The following RNF220 variants were observed in gnomAD, a reference collection of about 807,000 sequenced individuals.
The protein encoded by RNF220 is E3 ubiquitin-protein ligase RNF220.
In RNF220, 7 loss-of-function variants were observed where a neutral mutation model predicts 67.1. The ratio of observed to expected loss-of-function variants is 0.10; its 90% CI spans 0.06 to 0.20. The LOEUF (loss-of-function observed/expected upper bound fraction) is 0.20, where lower values mean the gene tolerates loss of function less well. Ranked by LOEUF, RNF220 falls within the 10% of genes least tolerant of loss-of-function variation. RNF220 has a pLI of 1.00. For synonymous variants in RNF220, 270 were observed against 283.2 expected (o/e 0.95, Z 0.47); for missense variants, 565 against 740.3 (o/e 0.76, Z 2.75).
At chr1:44,586,729 G>A (rs994080247) in intron 2 of RNF220, among the ~76,000 whole-genome samples, 9 of 152,154 alleles carry the variant, frequency 5.9e-5, no homozygotes, top group East Asian at 5.8e-4. Context: ...GACCGCTCTC[G>A]TGGCAAAAAT....
intron 2 of RNF220, among the ~76,000 whole-genome samples, chr1:44,421,383 ACAATCC>A (rs1356697054): frequency 6.6e-6 from 1 of 152,184 alleles, no homozygotes; most frequent in Non-Finnish European, 1.5e-5. Context: ...ATTAGAATTC[ACAATCC>A]CTGGGTTTCT....
chr1:44,525,084 A>G (rs757187754), intron 2 of RNF220, among the ~76,000 whole-genome samples: 3 of 152,268 alleles, frequency 2.0e-5, no homozygotes, highest in Non-Finnish European at 2.9e-5. Context: ...AAATGTGAGA[A>G]GCTTTTAAAA....
chr1:44,632,412 G>GCCCCACCCCCGGCCTCCT (rs1553127252), intron 6 of RNF220, 27 bp downstream of exon 6: 2 of 921,672 alleles, frequency 2.2e-6, no homozygotes, highest in East Asian at 6.0e-5. Context: ...CCCTCCCTCC[G>GCCCCACCCCCGGCCTCCT]CCCCACCCCC....
In RNF220 at chr1:44,412,715, T is replaced by G. The variant is rs1359991483; in HGVS notation, c.618T>G (p.Asn206Lys). ...CCTCATCTAGCCCAGAGGATCGGAA[T>G]GACAGATGTAAGTACTTTGGTTCCA... The part of the protein sequence containing the change: ...REASSSPEDR[N>K]DRCKKKAAAL... Residue 206 changes from asparagine (N) to lysine (K), a missense_variant, in exon 2 of 15, where the codon AAT becomes AAG. Physicochemically the swap from Asn to Lys is moderately conservative, Grantham distance 94 (BLOSUM62 0). Coordinates refer to ENST00000361799, the MANE Select transcript of RNF220 (RefSeq NM_018150.4). This position sits in a 1 kb window ranked among gnomAD's most constrained non-coding sequence, Gnocchi z 5.3. 1 of 1,613,740 alleles carries G rather than the reference T, an allele frequency of 6.2e-7. No homozygotes were observed. The highest frequency in any genetic ancestry group is 8.5e-7 in the Non-Finnish European group (1 of 1,179,742).
At chr1:44,575,838 C>T (rs562233687) in intron 2 of RNF220, among the ~76,000 whole-genome samples, 3 of 152,322 alleles carry the variant, frequency 2.0e-5, no homozygotes, top group East Asian at 3.8e-4. Flanking sequence ...TCAAAGGGAT[C>T]ACTGTGCTTT....
intron 3 of RNF220, among the ~76,000 whole-genome samples, chr1:44,616,835 G>C (rs193188154): frequency 5.1e-4 from 78 of 152,246 alleles, no homozygotes; most frequent in Non-Finnish European, 8.7e-4. Flanking sequence ...CCAGCTCTCT[G>C]TCTGCCTCCT....
intron 2 of RNF220, among the ~76,000 whole-genome samples, chr1:44,528,862 C>T (rs1179528910): frequency 6.6e-6 from 1 of 152,272 alleles, no homozygotes; most frequent in East Asian, 1.9e-4. Context: ...GATCCACCCA[C>T]CTCAGCCTCC....
At chr1:44,530,495 A>C (rs1660750032) in intron 2 of RNF220, among the ~76,000 whole-genome samples, 1 of 151,524 alleles carries the variant, frequency 6.6e-6, no homozygotes, top group South Asian at 2.1e-4. Flanking sequence ...CACAAAATCA[A>C]CATTGTGATA....
intron 4 of RNF220, among the ~76,000 whole-genome samples, chr1:44,623,155 A>G (rs1047905932): frequency 1.3e-5 from 2 of 152,204 alleles, no homozygotes; most frequent in African/African-American, 4.8e-5. Context: ...AATGCAGGTC[A>G]AGATAGTGCA....
chr1:44,459,186 G>GT (rs11379941), intron 2 of RNF220, among the ~76,000 whole-genome samples: 38,864 of 151,338 alleles, frequency 0.26, 5,190 homozygotes, highest in South Asian at 0.31. Flanking sequence ...CTTTTGGTGG[G>GT]TTTTTTTTTA....
chr1:44,561,738 G>A lies in RNF220; in HGVS notation c.626-52427G>A, dbSNP rs548013954. Among the ~76,000 whole-genome samples, 506 of 152,224 alleles carry A rather than the reference G, an allele frequency of 3.3e-3. 20 individuals are homozygous for A. The highest frequency in any genetic ancestry group is 0.032 in the Admixed American group (485 of 15,288). ...TTGAGACCAGCCTGGACAATACGGTGAGACCCCGTCTCTACTAAAAATTAA... is the reference window on the plus strand; with the variant it reads ...TTGAGACCAGCCTGGACAATACGGTAAGACCCCGTCTCTACTAAAAATTAA... On this transcript the variant is annotated intron_variant, in intron 2 of 14. Transcript: ENST00000361799.
At chr1:44,566,230 A>T (rs764859184) in intron 2 of RNF220, among the ~76,000 whole-genome samples, 5 of 152,130 alleles carry the variant, frequency 3.3e-5, no homozygotes, top group Non-Finnish European at 5.9e-5. Context: ...CCCTAACTGG[A>T]TTAGCATTGG....
At chr1:44,548,462 C>T (rs1282626720) in intron 2 of RNF220, among the ~76,000 whole-genome samples, 1 of 152,158 alleles carries the variant, frequency 6.6e-6, no homozygotes, top group Non-Finnish European at 1.5e-5. Context: ...TAGACTCCTT[C>T]ATTCAGCCTC....
intron 3 of RNF220, among the ~76,000 whole-genome samples, chr1:44,619,500 T>A (rs888148935): frequency 1.3e-5 from 2 of 152,204 alleles, no homozygotes; most frequent in Middle Eastern, 3.2e-3. Flanking sequence ...CGGCTGGTGA[T>A]GATGGTTTAT....
At chr1:44,427,849 C>T (rs2147856801) in intron 2 of RNF220, among the ~76,000 whole-genome samples, 1 of 152,292 alleles carries the variant, frequency 6.6e-6, no homozygotes, top group Non-Finnish European at 1.5e-5. Context: ...TAAATGTTAG[C>T]TATAATTAAT....
intron 2 of RNF220, among the ~76,000 whole-genome samples, chr1:44,578,241 C>T (rs948462482): frequency 2.0e-5 from 3 of 150,932 alleles, no homozygotes; most frequent in Admixed American, 6.6e-5. Context: ...CTCCACCTGC[C>T]GGGTTCAAGC....
Position 44,530,370 on chromosome 1 carries a change from A to G in RNF220, c.626-83795A>G, listed in dbSNP as rs187578640. On this transcript the variant is annotated intron_variant, in intron 2 of 14. Coordinates refer to ENST00000361799, the MANE Select transcript of RNF220 (RefSeq NM_018150.4). ...GTCACCACCACATATGCAGTCACCC[A>G]AAGAGCAGAGATCTCAAGAAATTTT... Among the ~76,000 whole-genome samples, 294 of 152,350 alleles carry G rather than the reference A, an allele frequency of 1.9e-3. 1 individual carries two copies. The highest frequency in any genetic ancestry group is 7.0e-3 in the African/African-American group (291 of 41,596).
intron 2 of RNF220, among the ~76,000 whole-genome samples, chr1:44,425,061 C>T (rs1422206301): frequency 2.0e-5 from 3 of 152,176 alleles, no homozygotes; most frequent in Non-Finnish European, 2.9e-5. Context: ...CAGAATTAGT[C>T]ACCAACACCT....
At chr1:44,418,313 T>G (rs1446505346) in intron 2 of RNF220, among the ~76,000 whole-genome samples, 7 of 152,186 alleles carry the variant, frequency 4.6e-5, no homozygotes, top group Non-Finnish European at 8.8e-5. Context: ...TGGACGTGTG[T>G]ACAGCGCCTG....
Sources: allele counts gnomAD v4.1 joint callset (sites outside exome capture counted in the v4.1 genomes callset), GRCh38; gene constraint gnomAD v4.1.1; non-coding constraint Gnocchi (gnomAD v3.1); transcripts MANE v1.5; gene names NCBI Gene and HGNC (gene_info 2026-07-23, HGNC 2026-07-21).